Variants in ANK3 observed in about 807,000 individuals in gnomAD.
ANK3 encodes the protein ankyrin 3.
A neutral mutation model predicts 370.9 loss-of-function variants in ANK3; 57 were observed. The ratio of observed to expected loss-of-function variants is 0.15; its 90% CI spans 0.12 to 0.19. The LOEUF is 0.19. Ranked by LOEUF, ANK3 falls within the 10% of genes least tolerant of loss-of-function variation. ANK3 has a pLI of 1.00. For synonymous variants in ANK3, 1,929 were observed against 1,946.3 expected (o/e 0.99, Z 0.23); for missense variants, 4,439 against 5,302.1 (o/e 0.84, Z 5.06).
At chr10:60,622,541 A>G (rs533026683) in intron 1 of ANK3, among the ~76,000 whole-genome samples, 81 of 152,144 alleles carry the variant, frequency 5.3e-4, no homozygotes, top group African/African-American at 1.9e-3. Flanking sequence ...GTGCCCAGCT[A>G]CCTGAGGCTT....
At chr10:60,636,545 G>T (rs2078557657) in intron 1 of ANK3, among the ~76,000 whole-genome samples, 1 of 152,166 alleles carries the variant, frequency 6.6e-6, no homozygotes, top group South Asian at 2.1e-4. Context: ...TCTTCACCCT[G>T]AGAGAGCCTG....
At chr10:60,252,417 A>T (rs558450037) in intron 7 of ANK3, among the ~76,000 whole-genome samples, 2 of 152,296 alleles carry the variant, frequency 1.3e-5, no homozygotes, top group South Asian at 4.2e-4. Flanking sequence ...GGGAAATAAA[A>T]ATTCTACAGC....
chr10:60,321,830 G>A (rs1170330363), intron 1 of ANK3, among the ~76,000 whole-genome samples: 1 of 152,128 alleles, frequency 6.6e-6, no homozygotes, highest in Non-Finnish European at 1.5e-5. Context: ...TATTGACCCT[G>A]ACAGTAATTC....
In ANK3 at chr10:60,132,896, G is replaced by A. The variant is rs148348994; in HGVS notation, c.2841+1375C>T. 1.7e-3 allele frequency among the ~76,000 whole-genome samples: 263 copies of A among 152,300 alleles called. 1 individual carries two copies. The highest frequency in any genetic ancestry group is 5.8e-3 in the African/African-American group (242 of 41,564). On this transcript the variant is annotated intron_variant, in intron 25 of 43. Transcript: ENST00000280772. ...CTTCCAAAGTGCTGGGATTACAGGT[G>A]TGACCCACCATGCCCAGCCTATAAT...
intron 7 of ANK3, among the ~76,000 whole-genome samples, chr10:60,261,562 G>A (rs2097804871): frequency 6.6e-6 from 1 of 152,112 alleles, no homozygotes; most frequent in Non-Finnish European, 1.5e-5. Flanking sequence ...TTTAACTTAG[G>A]GAACTATTTG....
chr10:60,052,296 C>G (rs2078214704), intron 42 of ANK3, among the ~76,000 whole-genome samples: 1 of 152,128 alleles, frequency 6.6e-6, no homozygotes, highest in Admixed American at 6.5e-5. Context: ...CCACTGCACT[C>G]CAGCCTGGGC....
Position 60,075,403 on chromosome 10 carries a change from A to G in ANK3, c.5478T>C (p.Ser1826=), listed in dbSNP as rs1311679346. 6.2e-6 allele frequency: 10 copies of G among 1,613,754 alleles called. No homozygotes were observed. The highest frequency in any genetic ancestry group is 2.7e-5 in the African/African-American group (2 of 74,934). ...CTGGTTCTGGCAAAACATTGACTAC[A>G]GAGTATACTGGCACTGTTATAATTG... is the stretch of plus-strand genomic sequence containing the variant. ...TSSIITVPVY[S]VVNVLPEPAL... The change falls in exon 37 of 44, where the codon TCT becomes TCC. Residue 1826 remains serine, a synonymous_variant. Transcript: ENST00000280772.
In ANK3 at chr10:60,083,536, T is replaced by C; in HGVS notation, c.4156A>G (p.Asn1386Asp). 2 of 1,611,986 alleles carry C rather than the reference T, an allele frequency of 1.2e-6. No individual in the cohort carries two copies. The highest frequency in any genetic ancestry group is 1.7e-6 in the Non-Finnish European group (2 of 1,179,094). ...LTKGGQQLVF[N>D]FYSFKENRLP... ...CTATTTTCTTTGAAAGAATAAAAGT[T>C]AAAAACAAGTTGCTGTCCTCCTTTG... Residue 1386 changes from asparagine (N) to aspartate (D), a missense_variant, in exon 33 of 44, where the codon AAC (asparagine) becomes GAC (aspartate). Asn to Asp is a conservative substitution (Grantham distance 23). Around this residue, in one of 13 missense-constraint regions of ANK3, gnomAD observed 702 missense variants for 941.5 expected, o/e 0.75. Transcript: ENST00000280772.
At chr10:60,231,229 C>T (rs1290735032) in intron 8 of ANK3, among the ~76,000 whole-genome samples, 1 of 152,138 alleles carries the variant, frequency 6.6e-6, no homozygotes, top group African/African-American at 2.4e-5. Flanking sequence ...TCTGATCCTA[C>T]CTAAATTACA....
chr10:60,306,189 T>C (rs1256174533), intron 1 of ANK3, among the ~76,000 whole-genome samples: 2 of 152,032 alleles, frequency 1.3e-5, no homozygotes, highest in East Asian at 3.9e-4. Context: ...ATTTGTAGTC[T>C]TTCCTCTCTC....
intron 1 of ANK3, among the ~76,000 whole-genome samples, chr10:60,676,147 G>A (rs1468213360): frequency 1.3e-5 from 2 of 152,046 alleles, no homozygotes; most frequent in East Asian, 3.8e-4. Context: ...AAAAATAAGT[G>A]AAAATACTAT....
chr10:60,349,094 G>A (rs1378558628), intron 1 of ANK3, among the ~76,000 whole-genome samples: 1 of 152,072 alleles, frequency 6.6e-6, no homozygotes, highest in Non-Finnish European at 1.5e-5. Context: ...AGAGGGAAGA[G>A]CATCAGTACC....
intron 2 of ANK3, among the ~76,000 whole-genome samples, chr10:60,602,951 T>C (rs752330414): frequency 3.9e-5 from 6 of 152,118 alleles, no homozygotes; most frequent in Non-Finnish European, 5.9e-5. Flanking sequence ...AAATTTTTCC[T>C]TCTTATAGGT....
chr10:60,347,794 GCTGGGACTCACCCC>G (rs1424193785), intron 1 of ANK3, among the ~76,000 whole-genome samples: 2 of 152,066 alleles, frequency 1.3e-5, no homozygotes, highest in Non-Finnish European at 2.9e-5. Flanking sequence ...GACACTGATG[GCTGGGACTCACCCC>G]CTGAGAATTT....
At chr10:60,466,283 T>G (rs1023575371) in intron 2 of ANK3, among the ~76,000 whole-genome samples, 4 of 152,146 alleles carry the variant, frequency 2.6e-5, no homozygotes, top group Non-Finnish European at 5.9e-5. Context: ...GTCCTGTGGC[T>G]CAAGATTTTG....
chr10:60,325,230 T>C (rs1433504342), intron 1 of ANK3, among the ~76,000 whole-genome samples: 1 of 152,204 alleles, frequency 6.6e-6, no homozygotes, highest in Non-Finnish European at 1.5e-5. Context: ...CCTTGGTCTC[T>C]GGACCTGTCC....
intron 2 of ANK3, among the ~76,000 whole-genome samples, chr10:60,462,098 T>G (rs1247116276): frequency 6.6e-6 from 1 of 152,098 alleles, no homozygotes. Context: ...ATGGGAAGAT[T>G]TGGTCAAGAG....
chr10:60,032,191 CTTCTTTTTTTTT>C lies in ANK3; in HGVS notation c.*20-2377_*20-2366del, dbSNP rs1408385238. ...TACTTCAGCTATTATAAATACACAG[CTTCTTTTTTTTT>C]TTTTTTTTTTTTTTTTGAGACGAAG... On this transcript the variant is annotated intron_variant, in intron 43 of 43. Coordinates refer to ENST00000280772, the MANE Select transcript of ANK3 (RefSeq NM_020987.5). 1.9e-4 allele frequency among the ~76,000 whole-genome samples: 11 copies of C among 57,950 alleles called. No individual in the cohort carries two copies. The South Asian group carries it at 2.2e-3, about 11-fold the overall frequency. 38.0% of individuals were successfully genotyped at this position (57,950 alleles called of 152,430 possible). A position where few individuals can be genotyped will look rare whatever the true frequency, so the allele number is the denominator to read the frequency against.
intron 42 of ANK3, among the ~76,000 whole-genome samples, chr10:60,045,911 T>C (rs905348159): frequency 1.1e-5 from 1 of 89,676 alleles, no homozygotes; most frequent in African/African-American, 3.5e-5. Flanking sequence ...CAAAGTTTTG[T>C]TCTCATTTTT....
Sources: gnomAD v4.1 joint callset for allele counts (sites outside exome capture counted in the v4.1 genomes callset) on GRCh38, gnomAD v4.1.1 for gene constraint, gnomAD v4.1.1 regional missense constraint, MANE v1.5 for transcripts, NCBI Gene and HGNC (gene_info 2026-07-23, HGNC 2026-07-21) for gene names.